NUMA1: variants seen among roughly 807,000 people sequenced by gnomAD.
The protein encoded by NUMA1 is SP-H antigen.
In NUMA1, 62 loss-of-function variants were observed where a neutral mutation model predicts 237.1. The ratio of observed to expected loss-of-function variants is 0.26; its 90% CI spans 0.21 to 0.32. The LOEUF is 0.32. NUMA1 is among the 10% of genes least tolerant of loss of function. The pLI, the probability that NUMA1 is intolerant of heterozygous loss-of-function variation, is 1.00. For synonymous variants in NUMA1, 1,028 were observed against 1,066.1 expected, an observed-to-expected ratio of 0.96 and a Z score of 0.70; for missense variants, 2,533 against 2,666.5, an observed-to-expected ratio of 0.95 and a Z score of 1.10.
At chr11:72,025,059 G>A (rs1018596935) in intron 4 of NUMA1, among the ~76,000 whole-genome samples, 10 of 152,146 alleles carry the variant, frequency 6.6e-5, no homozygotes, top group East Asian at 5.8e-4. Flanking sequence ...CACCACGCCC[G>A]GCTAATTTTT....
At chr11:72,017,908 G>C in intron 12 of NUMA1, 81 bp from the exon 13 acceptor site, 1 of 1,496,732 alleles carries the variant, frequency 6.7e-7, no homozygotes, top group Non-Finnish European at 9.1e-7. Context: ...GAACCCCAGG[G>C]GCTGGATGCC....
At chr11:72,007,456 G>A (rs1331787027) in intron 20 of NUMA1, 21 bp from the exon 21 acceptor site, 9 of 1,611,868 alleles carry the variant, frequency 5.6e-6, no homozygotes, top group Non-Finnish European at 7.6e-6. Flanking sequence ...GAAACCTGCT[G>A]AGGTACAGTC....
chr11:72,014,361 G>A lies in NUMA1; in HGVS notation c.3142C>T (p.Leu1048=), dbSNP rs1444003022. 6.2e-7 allele frequency: 1 copy of A among 1,613,448 alleles called. No individual in the cohort carries two copies. Among genetic ancestry groups the A allele is most frequent in the South Asian group, 1.1e-5 (1 of 91,086 alleles). The change falls in exon 15 of 27, where the codon CTG becomes TTG. Residue 1048 remains leucine (L), a synonymous_variant. Transcript: ENST00000393695. The surrounding 1 kb of genome is among the most constrained non-coding windows in gnomAD (Gnocchi z 4.6). ...LNEQRVEFAT[L]QEALAHALTE... ...AGGGCATGAGCCAGTGCCTCTTGCA[G>A]GGTAGCGAACTCCACACGCTGCTCG...
At chr11:72,033,704 G>T (rs1018478196) in intron 3 of NUMA1, among the ~76,000 whole-genome samples, 6 of 152,052 alleles carry the variant, frequency 3.9e-5, no homozygotes, top group African/African-American at 1.4e-4. Context: ...TTCAGAAAAG[G>T]ATGTAAGTAG....
intron 2 of NUMA1, among the ~76,000 whole-genome samples, chr11:72,051,744 A>C (rs917193111): frequency 2.6e-5 from 4 of 152,220 alleles, no homozygotes; most frequent in Non-Finnish European, 1.5e-5. Context: ...TGCTGGGATT[A>C]CAAGTGTGAG....
chr11:72,030,098 G>A (rs888800139), intron 3 of NUMA1, among the ~76,000 whole-genome samples: 1 of 152,194 alleles, frequency 6.6e-6, no homozygotes, highest in African/African-American at 2.4e-5. Context: ...ACTTTGGGAG[G>A]CTGAGGCGGG....
chr11:72,027,501 G>A (rs1048134829), intron 4 of NUMA1, among the ~76,000 whole-genome samples: 5 of 151,708 alleles, frequency 3.3e-5, no homozygotes, highest in East Asian at 1.9e-4. Flanking sequence ...AAGTTAAGCC[G>A]TACCATAATA....
chr11:72,021,541 C>T (rs1468835219), intron 7 of NUMA1, among the ~76,000 whole-genome samples: 1 of 152,232 alleles, frequency 6.6e-6, no homozygotes, highest in Non-Finnish European at 1.5e-5. Flanking sequence ...GAGTTCCTGA[C>T]TGACTTAACT....
At position 72,006,261 on chromosome 11, in the gene NUMA1, C is replaced by T; in HGVS notation, c.5466G>A (p.Lys1822=). ...CGCTGTCTGGCTCTTCCACATCTAG[C>T]TTCTGGAAGACAGAGTGAATCTGTT... is the stretch of plus-strand genomic sequence containing the variant. ...TQIINITMTK[K]LDVEEPDSAN... The change falls in exon 22 of 27, where the codon AAG becomes AAA. Residue 1822 remains lysine (K), a splice_region_variant and synonymous_variant. Transcript: ENST00000393695. 6.2e-7 allele frequency: 1 copy of T among 1,613,492 alleles called. No individual in the cohort carries two copies. Among genetic ancestry groups the T allele is most frequent in the Non-Finnish European group, 8.5e-7 (1 of 1,179,460 alleles).
At chr11:72,010,708 C>T (rs1259289244) in intron 17 of NUMA1, 78 bp downstream of exon 17, 1 of 1,421,818 alleles carries the variant, frequency 7.0e-7, no homozygotes, top group Non-Finnish European at 9.7e-7. Context: ...TGCCCCGACA[C>T]CCCCCACGGC....
Position 72,024,339 on chromosome 11 carries a change from T to A in NUMA1, c.143A>T (p.Glu48Val). ...KIIDRIHGTEEGQQILKQPVS... is the reference protein window; with the variant it reads ...KIIDRIHGTEVGQQILKQPVS... ...CGGCTGCTTCAAGATTTGCTGTCCC[T>A]CTTCAGTGCCATGGCTAGAAAAAGA... The change falls in exon 5 of 27, where the codon GAG becomes GTG. Residue 48 changes from glutamate (E) to valine (V), a missense_variant. This residue lies in a region of NUMA1 where 1,414 missense variants were observed against 1,508.1 expected (regional missense o/e 0.94). Transcript: ENST00000393695. 1 of 1,614,182 alleles carries A rather than the reference T, an allele frequency of 6.2e-7. No homozygotes were observed. Among genetic ancestry groups the A allele is most frequent in the Non-Finnish European group, 8.5e-7 (1 of 1,180,014 alleles).
intron 23 of NUMA1, 59 bp downstream of exon 23, chr11:72,005,174 G>A (rs1955603615): frequency 6.6e-7 from 1 of 1,504,822 alleles, no homozygotes; most frequent in Admixed American, 2.3e-5. Context: ...TAGATCAGCA[G>A]GTGGGATTCC....
Position 72,004,235 on chromosome 11 carries a change from G to C in NUMA1, c.6113C>G (p.Ser2038Cys). 1 of 1,610,782 alleles carries C rather than the reference G, an allele frequency of 6.2e-7. No individual in the cohort carries two copies. Among genetic ancestry groups the C allele is most frequent in the Non-Finnish European group, 8.5e-7 (1 of 1,179,180 alleles). The change falls in exon 25 of 27, where the codon TCT becomes TGT. Residue 2038 changes from serine (S) to cysteine (C), a missense_variant. Physicochemically the swap from Ser to Cys is moderately radical, Grantham distance 112. Coordinates refer to ENST00000393695, the MANE Select transcript of NUMA1 (RefSeq NM_006185.4). ...CAGCCCCAGCCTCACCTGTTTAGTA[G>C]AAGCTGGAGCTGCTTTCTTCTGGGC... Reference protein sequence around the residue: ...TEAQKKAAPASTKQADRRQSM... With the variant: ...TEAQKKAAPACTKQADRRQSM...
At chr11:72,064,837 C>T (rs979087602) in intron 2 of NUMA1, among the ~76,000 whole-genome samples, 1 of 30,332 alleles carries the variant, frequency 3.3e-5, no homozygotes, top group African/African-American at 7.9e-5. Flanking sequence ...TGTCTCAAAA[C>T]AAACAAACAA....
intron 13 of NUMA1, 42 bp from the exon 14 acceptor site, chr11:72,016,572 G>T (rs1045525967): frequency 6.2e-7 from 1 of 1,601,962 alleles, no homozygotes; most frequent in South Asian, 1.1e-5. Flanking sequence ...AGGGGGAACA[G>T]GCACCAGATT....
At chr11:72,030,926 T>C (rs1940220014) in intron 3 of NUMA1, among the ~76,000 whole-genome samples, 1 of 152,222 alleles carries the variant, frequency 6.6e-6, no homozygotes, top group Non-Finnish European at 1.5e-5. Context: ...ATGGATGGAA[T>C]CCCTACTTTA....
In NUMA1 at chr11:72,003,358, G is replaced by A. The variant is rs1263007672; in HGVS notation, c.*169C>T. On this transcript the variant is annotated 3_prime_UTR_variant, in exon 27 of 27. Coordinates refer to ENST00000393695, the MANE Select transcript of NUMA1 (RefSeq NM_006185.4). Reference sequence around the variant, plus strand: ...CTGGGCCAGCTCCGAGAAGGCGCCAGTGAAGGACCAGGGACCAGGCCAGGG... The same window carrying A: ...CTGGGCCAGCTCCGAGAAGGCGCCAATGAAGGACCAGGGACCAGGCCAGGG... 2 of 688,080 alleles carry A rather than the reference G, an allele frequency of 2.9e-6. No individual in the cohort carries two copies. The highest frequency in any genetic ancestry group is 2.3e-5 in the Admixed American group (1 of 43,348). The allele number at this position is 688,080 out of a possible 1,614,324, so 42.6% of individuals were successfully genotyped here. A position where few individuals can be genotyped will look rare whatever the true frequency, so the allele number is the denominator to read the frequency against.
At chr11:72,005,111 G>A (rs1028604157) in intron 23 of NUMA1, 122 bp downstream of exon 23, 1 of 1,170,706 alleles carries the variant, frequency 8.5e-7, no homozygotes, top group African/African-American at 1.6e-5. Context: ...ACATGAGAAG[G>A]TCACCCTCCC....
intron 2 of NUMA1, among the ~76,000 whole-genome samples, chr11:72,068,938 C>T (rs1943324901): frequency 6.6e-6 from 1 of 152,150 alleles, no homozygotes; most frequent in South Asian, 2.1e-4. Flanking sequence ...ATCTTTGGCT[C>T]ACGGCATCTT....
Sources: allele counts gnomAD v4.1 joint callset (sites outside exome capture counted in the v4.1 genomes callset), GRCh38; gene constraint gnomAD v4.1.1; regional missense constraint gnomAD v4.1.1; non-coding constraint Gnocchi (gnomAD v3.1); transcripts MANE v1.5; gene names NCBI Gene and HGNC (gene_info 2026-07-23, HGNC 2026-07-21).